The following XYLT1 variants were observed in gnomAD, a reference collection of about 807,000 sequenced individuals.
The protein encoded by XYLT1 is beta-D-xylosyltransferase 1.
XYLT1 carries 36 observed loss-of-function variants against 91.3 expected under a neutral mutation model. The observed-to-expected ratio is 0.39, with a 90% CI of 0.30 to 0.52. The LOEUF is 0.52. Among genes scored for constraint, XYLT1 ranks in the 20% least tolerant of loss-of-function variants. The pLI is 0.68. For missense variants in XYLT1, 1,242 were observed against 1,284.5 expected, an observed-to-expected ratio of 0.97 and a Z score of 0.51; for synonymous variants, 588 against 532.0, an observed-to-expected ratio of 1.11 and a Z score of -1.45.
chr16:17,416,308 A>G (rs574588379), intron 1 of XYLT1, among the ~76,000 whole-genome samples: 1 of 152,358 alleles, frequency 6.6e-6, no homozygotes, highest in Non-Finnish European at 1.5e-5. Flanking sequence ...GCCTGTGCTT[A>G]TGGAACAGAA....
intron 1 of XYLT1, among the ~76,000 whole-genome samples, chr16:17,359,480 C>T (rs11863877): frequency 0.54 from 81,711 of 152,032 alleles, 25,005 homozygotes; most frequent in African/African-American, 0.83. Context: ...CTCAGAAATA[C>T]GGTGAGCTCT....
chr16:17,169,294 T>A (rs897886621), intron 5 of XYLT1, among the ~76,000 whole-genome samples: 1 of 152,210 alleles, frequency 6.6e-6, no homozygotes, highest in Non-Finnish European at 1.5e-5. Context: ...GGCAGTAAAC[T>A]GGAGAACTAC....
At chr16:17,170,979 T>A (rs141851419) in intron 5 of XYLT1, among the ~76,000 whole-genome samples, 1 of 152,164 alleles carries the variant, frequency 6.6e-6, no homozygotes, top group Non-Finnish European at 1.5e-5. Context: ...ATAATAACAC[T>A]ATTTACCTTA....
chr16:17,353,090 A>T (rs2035243359), intron 2 of XYLT1, among the ~76,000 whole-genome samples: 1 of 152,194 alleles, frequency 6.6e-6, no homozygotes, highest in African/African-American at 2.4e-5. Flanking sequence ...AAGTTAGCTG[A>T]TCAAAGAAAT....
chr16:17,208,518 T>C (rs948767729), intron 3 of XYLT1, among the ~76,000 whole-genome samples: 3 of 152,216 alleles, frequency 2.0e-5, no homozygotes, highest in Non-Finnish European at 4.4e-5. Context: ...CATTTCTGTT[T>C]CATATACACT....
chr16:17,132,817 C>A (rs145598631), intron 9 of XYLT1, among the ~76,000 whole-genome samples: 1 of 152,208 alleles, frequency 6.6e-6, no homozygotes, highest in East Asian at 1.9e-4. Context: ...GCAGAAGAAT[C>A]GCTTGAACCT....
At chr16:17,156,988 C>A (rs1157707896) in intron 6 of XYLT1, among the ~76,000 whole-genome samples, 10 of 151,656 alleles carry the variant, frequency 6.6e-5, no homozygotes, top group Non-Finnish European at 2.9e-5. Flanking sequence ...CCCTCTGTCA[C>A]CCAGGCTGGA....
intron 3 of XYLT1, among the ~76,000 whole-genome samples, chr16:17,246,883 C>T (rs1043634926): frequency 6.6e-5 from 10 of 152,142 alleles, no homozygotes; most frequent in South Asian, 2.1e-4. Context: ...CCAGCAACCA[C>T]GCTATCCTGT....
chr16:17,446,885 G>A (rs115945109), intron 1 of XYLT1, among the ~76,000 whole-genome samples: 1 of 147,828 alleles, frequency 6.8e-6, no homozygotes, highest in African/African-American at 2.7e-5. Flanking sequence ...TTTCAAGTGC[G>A]GGGGACTGCA....
Position 17,175,522 on chromosome 16 carries a change from C to A in XYLT1, c.1290-16613G>T, listed in dbSNP as rs555038704. On this transcript the variant is annotated intron_variant, in intron 5 of 11. Transcript: ENST00000261381. ...GGTAACAGAAACAGGGATTTGCACCCAGGTCATTTGACCTCAGAGTCCATA... is the reference window on the plus strand; with the variant it reads ...GGTAACAGAAACAGGGATTTGCACCAAGGTCATTTGACCTCAGAGTCCATA... Among the ~76,000 whole-genome samples the A allele has an allele frequency of 2.6e-5, 4 of 152,238 alleles. No homozygotes were observed. In the South Asian group the frequency reaches 8.3e-4, roughly 32 times the overall value.
chr16:17,242,482 T>C (rs933104808), intron 3 of XYLT1, among the ~76,000 whole-genome samples: 2 of 152,102 alleles, frequency 1.3e-5, no homozygotes, highest in African/African-American at 4.8e-5. Context: ...AAATGACTTA[T>C]CTGGAACAAA....
At chr16:17,361,659 T>C (rs1567392931) in intron 1 of XYLT1, among the ~76,000 whole-genome samples, 1 of 152,216 alleles carries the variant, frequency 6.6e-6, no homozygotes. Flanking sequence ...GGATCTTGCA[T>C]GCCTCTGAAT....
intron 8 of XYLT1, chr16:17,137,547 T>A (rs1454002072): frequency 1.3e-5 from 2 of 152,128 alleles, no homozygotes; most frequent in Non-Finnish European, 2.9e-5. Flanking sequence ...GAAGCCACCA[T>A]GCTGGCTTGG....
intron 2 of XYLT1, among the ~76,000 whole-genome samples, chr16:17,283,919 T>A (rs1235197129): frequency 6.6e-6 from 1 of 152,222 alleles, no homozygotes; most frequent in African/African-American, 2.4e-5. Context: ...TTTCTAAGTA[T>A]CCAGCTGTGA....
intron 2 of XYLT1, among the ~76,000 whole-genome samples, chr16:17,328,394 A>C (rs971176608): frequency 6.6e-6 from 1 of 151,818 alleles, no homozygotes; most frequent in African/African-American, 2.4e-5. Flanking sequence ...TAAAAATACA[A>C]AAAAATTAGC....
chr16:17,337,055 G>C (rs1335863128), intron 2 of XYLT1, among the ~76,000 whole-genome samples: 1 of 152,188 alleles, frequency 6.6e-6, no homozygotes, highest in African/African-American at 2.4e-5. Flanking sequence ...TTCAGCCCCA[G>C]AAAGGCATAT....
Position 17,127,738 on chromosome 16 carries a change from G to C in XYLT1, c.2151C>G (p.Thr717=). 1 of 1,614,172 alleles carries C rather than the reference G, an allele frequency of 6.2e-7. No homozygotes were observed. The highest frequency in any genetic ancestry group is 8.5e-7 in the Non-Finnish European group (1 of 1,180,034). The change falls in exon 10 of 12, where the codon ACC becomes ACG. Residue 717 remains threonine (T), a synonymous_variant. Transcript: ENST00000261381. ...TGAAGACTTTTTTCGGCATCACCCA[G>C]GTCTCCAGAGTCTCTAGTTTGCTCA... ...LAVSKLETLE[T]WVMPKKVFKI...
chr16:17,245,352 T>C, intron 3 of XYLT1, among the ~76,000 whole-genome samples: 1 of 152,218 alleles, frequency 6.6e-6, no homozygotes, highest in East Asian at 1.9e-4. Context: ...CCAGTTCCTC[T>C]GAAAGGTTTC....
chr16:17,450,338 A>AAAAC (rs1183694789), intron 1 of XYLT1, among the ~76,000 whole-genome samples: 12 of 151,748 alleles, frequency 7.9e-5, no homozygotes, highest in South Asian at 4.2e-4. Flanking sequence ...ACTCCGTCTC[A>AAAAC]AAACAAACAA....
Sources: gnomAD v4.1 joint callset for allele counts (sites outside exome capture counted in the v4.1 genomes callset) on GRCh38, gnomAD v4.1.1 for gene constraint, MANE v1.5 for transcripts, NCBI Gene and HGNC (gene_info 2026-07-23, HGNC 2026-07-21) for gene names.